The following ARID4A variants were observed in gnomAD, a reference collection of about 807,000 sequenced individuals.
ARID4A encodes the protein AT-rich interactive domain-containing protein 4A.
A neutral mutation model predicts 148.6 loss-of-function variants in ARID4A; 39 were observed. The observed-to-expected ratio is 0.26, with a 90% CI of 0.20 to 0.34. ARID4A has a LOEUF of 0.34. Among genes scored for constraint, ARID4A ranks in the 10% least tolerant of loss-of-function variants. The pLI is 1.00. For synonymous variants in ARID4A, 475 were observed against 481.2 expected (o/e 0.99, Z 0.17); for missense variants, 1,265 against 1,449.1 (o/e 0.87, Z 2.06).
rs1555361738 is a variant in ARID4A, at chr14:58,337,246, T to TATATATATATATATATA, written c.906+7077_906+7078insATATATATATATATATA. On this transcript the variant is annotated intron_variant, in intron 11 of 23. Coordinates refer to ENST00000355431, the MANE Select transcript of ARID4A (RefSeq NM_002892.4). ...AAATCTCCTAGAACCTTCTCTTTAT[T>TATATATATATATATATA]TATATATATATATATATATATAATT... is the stretch of plus-strand genomic sequence containing the variant. Among the ~76,000 whole-genome samples, 87 of 83,800 alleles carry TATATATATATATATATA rather than the reference T, an allele frequency of 1.0e-3. 2 individuals are homozygous for TATATATATATATATATA. The highest frequency in any genetic ancestry group is 3.2e-3 in the South Asian group (8 of 2,470). 55.0% of individuals were successfully genotyped at this position (83,800 alleles called of 152,430 possible). A position where few individuals can be genotyped will look rare whatever the true frequency, so the allele number is the denominator to read the frequency against.
chr14:58,323,294 T>C (rs767118335), intron 7 of ARID4A, among the ~76,000 whole-genome samples, 191 bp from the exon 8 acceptor site: 4 of 152,082 alleles, frequency 2.6e-5, no homozygotes, highest in Non-Finnish European at 5.9e-5. Context: ...AGAGTTACCA[T>C]AGACAACTCA....
intron 17 of ARID4A, 40 bp downstream of exon 17, chr14:58,353,895 G>C: frequency 6.5e-7 from 1 of 1,542,482 alleles, no homozygotes; most frequent in Non-Finnish European, 8.9e-7. Flanking sequence ...AAATTTTTTC[G>C]ATGATTAAAT....
chr14:58,318,491 TTTTA>T (rs1369587305), intron 5 of ARID4A, 47 bp from the exon 6 acceptor site: 1 of 1,546,436 alleles, frequency 6.5e-7, no homozygotes, highest in Non-Finnish European at 8.9e-7. Context: ...GCTTTTAAGT[TTTTA>T]TTTCATTAGT....
chr14:58,303,098 A>G (rs559385457), intron 3 of ARID4A, among the ~76,000 whole-genome samples: 1 of 151,998 alleles, frequency 6.6e-6, no homozygotes, highest in Non-Finnish European at 1.5e-5. Context: ...TATGCTTATT[A>G]TAAACATTTT....
chr14:58,353,983 T>G (rs2034755295), intron 17 of ARID4A, 128 bp downstream of exon 17: 1 of 833,150 alleles, frequency 1.2e-6, no homozygotes, highest in South Asian at 1.8e-5. Flanking sequence ...GTTCTGAATT[T>G]TCCAAGACTT....
intron 15 of ARID4A, among the ~76,000 whole-genome samples, chr14:58,350,854 T>C (rs972727872): frequency 1.2e-4 from 19 of 152,304 alleles, no homozygotes; most frequent in Non-Finnish European, 7.4e-5. Flanking sequence ...AGATATTTCT[T>C]AGGTAGTATA....
At chr14:58,359,278 GTTTT>G in intron 18 of ARID4A, 62 bp downstream of exon 18, 1 of 1,480,328 alleles carries the variant, frequency 6.8e-7, no homozygotes, top group Non-Finnish European at 9.1e-7. Flanking sequence ...TGTATTGTGT[GTTTT>G]TTAAGACTTT....
At chr14:58,327,000 GCAAA>G (rs988195548) in intron 8 of ARID4A, among the ~76,000 whole-genome samples, 2 of 152,158 alleles carry the variant, frequency 1.3e-5, no homozygotes, top group African/African-American at 2.4e-5. Context: ...CTGGCACCAA[GCAAA>G]CAAACAAATA....
chr14:58,301,794 C>T (rs879235688), intron 3 of ARID4A, 104 bp downstream of exon 3: 3 of 634,962 alleles, frequency 4.7e-6, no homozygotes, highest in Non-Finnish European at 7.7e-6. Flanking sequence ...ATATGAAAAC[C>T]CTTTATATAC....
Position 58,353,646 on chromosome 14 carries a change from A to G in ARID4A, c.1656-12A>G. On this transcript the variant is annotated splice_polypyrimidine_tract_variant and intron_variant, in intron 16 of 23. Transcript: ENST00000355431. ...TTATTAGTAGCATTATCAGTATTAT[A>G]ACTTACTGCAGGGAAGAAACTGAAA... The G allele has an allele frequency of 3.1e-6, 5 of 1,611,090 alleles. No individual in the cohort carries two copies. In the African/African-American group the frequency reaches 4.0e-5, roughly 13 times the overall value.
At chr14:58,332,003 C>G (rs1036934959) in intron 11 of ARID4A, among the ~76,000 whole-genome samples, 5 of 147,092 alleles carry the variant, frequency 3.4e-5, no homozygotes, top group East Asian at 2.1e-4. Flanking sequence ...CTACCCCCCC[C>G]CCCCCAAAAA....
intron 19 of ARID4A, among the ~76,000 whole-genome samples, chr14:58,362,382 A>G (rs2035171492): frequency 6.6e-6 from 1 of 152,126 alleles, no homozygotes; most frequent in South Asian, 2.1e-4. Context: ...TGAGCCCAGG[A>G]GTTCCAGACC....
chr14:58,299,175 C>T (rs1023898192), intron 1 of ARID4A, among the ~76,000 whole-genome samples: 1 of 152,166 alleles, frequency 6.6e-6, no homozygotes, highest in African/African-American at 2.4e-5. Flanking sequence ...GTCCGGGCCA[C>T]CTCCCCTCCT....
chr14:58,355,381 A>G (rs907232340), intron 17 of ARID4A, among the ~76,000 whole-genome samples: 2 of 152,210 alleles, frequency 1.3e-5, no homozygotes, highest in Non-Finnish European at 2.9e-5. Flanking sequence ...TGAATCTTAT[A>G]TATCCTATGA....
chr14:58,306,707 G>A (rs563416400), intron 5 of ARID4A, among the ~76,000 whole-genome samples: 9 of 152,190 alleles, frequency 5.9e-5, no homozygotes, highest in East Asian at 1.9e-4. Flanking sequence ...GTGAAACCCC[G>A]TCTCTACTGA....
intron 5 of ARID4A, among the ~76,000 whole-genome samples, chr14:58,312,651 CAAT>C (rs2032127704): frequency 6.6e-6 from 1 of 152,174 alleles, no homozygotes; most frequent in Non-Finnish European, 1.5e-5. Context: ...ATGGATATAA[CAAT>C]AATGATACTT....
chr14:58,315,130 A>G (rs1367040531), intron 5 of ARID4A, among the ~76,000 whole-genome samples: 3 of 152,146 alleles, frequency 2.0e-5, no homozygotes, highest in Non-Finnish European at 2.9e-5. Context: ...AAATAAATAA[A>G]TAAATCTTAA....
chr14:58,342,711 G>A (rs1193778999), intron 11 of ARID4A, among the ~76,000 whole-genome samples: 7 of 152,088 alleles, frequency 4.6e-5, no homozygotes, highest in Non-Finnish European at 5.9e-5. Context: ...TCAGGAGTTC[G>A]AGACCAGCCT....
intron 16 of ARID4A, among the ~76,000 whole-genome samples, chr14:58,351,946 A>AAT (rs1464454516): frequency 2.6e-5 from 4 of 152,196 alleles, no homozygotes; most frequent in African/African-American, 9.7e-5. Context: ...AAAATAGTCA[A>AAT]ATATTAGGCA....
Sources: allele counts gnomAD v4.1 joint callset (sites outside exome capture counted in the v4.1 genomes callset), GRCh38; gene constraint gnomAD v4.1.1; transcripts MANE v1.5; gene names NCBI Gene and HGNC (gene_info 2026-07-23, HGNC 2026-07-21).